Variants in TMEM245 observed in about 807,000 individuals in gnomAD.
The protein encoded by TMEM245 is transmembrane protein 245, also known as protein CG-2.
In TMEM245, 69 loss-of-function variants were observed where a neutral mutation model predicts 101.2. That is an observed-to-expected ratio of 0.68 (90% CI 0.56 to 0.83). The LOEUF is 0.83. TMEM245 is among the 40% of genes least tolerant of loss of function. The pLI, the probability that TMEM245 is intolerant of heterozygous loss-of-function variation, is 0.00. For synonymous variants in TMEM245, 537 were observed against 449.8 expected, an observed-to-expected ratio of 1.19 and a Z score of -2.45; for missense variants, 1,075 against 1,092.8, an observed-to-expected ratio of 0.98 and a Z score of 0.23.
intron 7 of TMEM245, 84 bp downstream of exon 7, chr9:109,085,913 T>C (rs374161378): frequency 1.8e-5 from 27 of 1,459,510 alleles, no homozygotes; most frequent in Non-Finnish European, 1.9e-6. Flanking sequence ...GTTTGACACA[T>C]GGACAGAAAC....
At chr9:109,081,237 T>C (rs1829657520) in intron 7 of TMEM245, among the ~76,000 whole-genome samples, 1 of 152,166 alleles carries the variant, frequency 6.6e-6, no homozygotes, top group Non-Finnish European at 1.5e-5. Flanking sequence ...AAATTGTAAT[T>C]TATAACCTGG....
In TMEM245 at chr9:109,086,029, TA is replaced by T. The variant is rs751131689; in HGVS notation, c.1321-10del. 21 of 1,613,682 alleles carry T rather than the reference TA, an allele frequency of 1.3e-5. No individual in the cohort carries two copies. The South Asian group carries it at 2.0e-4, about 15-fold the overall frequency. On this transcript the variant is annotated splice_polypyrimidine_tract_variant and intron_variant, in intron 6 of 17. Transcript: ENST00000374586. ...TTTAGCCAGTGCCAGAGCTTGAGGA[TA>T]GGGGGTAAGGTGAGAAAGAGAAGAT... is the stretch of plus-strand genomic sequence containing the variant.
At chr9:109,063,458 T>C (rs564558159) in intron 10 of TMEM245, among the ~76,000 whole-genome samples, 21 of 152,212 alleles carry the variant, frequency 1.4e-4, no homozygotes, top group African/African-American at 7.2e-5. Flanking sequence ...TCTTCCATTA[T>C]ATTATTTTTT....
At chr9:109,064,092 GA>G (rs750498912) in intron 10 of TMEM245, among the ~76,000 whole-genome samples, 7 of 148,550 alleles carry the variant, frequency 4.7e-5, no homozygotes, top group Non-Finnish European at 7.5e-5. Flanking sequence ...AACAGTAAAA[GA>G]AAAAAAAACA....
At chr9:109,114,586 C>G (rs1368479353) in intron 1 of TMEM245, among the ~76,000 whole-genome samples, 4 of 152,214 alleles carry the variant, frequency 2.6e-5, no homozygotes, top group African/African-American at 9.6e-5. Flanking sequence ...CCACTACTCT[C>G]TCCACCTCCT....
chr9:109,069,855 A>G (rs891062914), intron 9 of TMEM245, among the ~76,000 whole-genome samples: 4 of 152,174 alleles, frequency 2.6e-5, no homozygotes, highest in African/African-American at 9.7e-5. Flanking sequence ...CTCGTTCCCA[A>G]TAATTTCTCA....
chr9:109,058,892 C>A (rs893611043), intron 11 of TMEM245, among the ~76,000 whole-genome samples: 3 of 152,168 alleles, frequency 2.0e-5, no homozygotes, highest in African/African-American at 7.2e-5. Context: ...AGACATGAGC[C>A]ACCAGGCCCA....
rs1827493950 is a variant in TMEM245 at position 109,017,807 on chromosome 9, T to G, written c.*2653A>C. 1 of 152,222 alleles carries G rather than the reference T, an allele frequency of 6.6e-6. No individual in the cohort carries two copies. The highest frequency in any genetic ancestry group is 6.5e-5 in the Admixed American group (1 of 15,278). 9.4% of individuals were successfully genotyped at this position (152,222 alleles called of 1,614,324 possible). On this transcript the variant is annotated 3_prime_UTR_variant, in exon 18 of 18. Transcript: ENST00000374586. ...TCCTACCTTTTCATACCACTTGATCTCTGTTGCCCTGTGAAAATTCTGTAA... is the reference window on the plus strand; with the variant it reads ...TCCTACCTTTTCATACCACTTGATCGCTGTTGCCCTGTGAAAATTCTGTAA...
chr9:109,096,265 C>T (rs1367122496), intron 3 of TMEM245, among the ~76,000 whole-genome samples: 20 of 152,132 alleles, frequency 1.3e-4, no homozygotes, highest in African/African-American at 4.8e-4. Flanking sequence ...TTACCTGAGG[C>T]CAGGAGTTCG....
intron 15 of TMEM245, 81 bp downstream of exon 15, chr9:109,037,936 A>G: frequency 8.7e-7 from 1 of 1,154,894 alleles, no homozygotes; most frequent in Non-Finnish European, 1.2e-6. Flanking sequence ...AACTTGAGGA[A>G]GTAGACATTT....
intron 14 of TMEM245, among the ~76,000 whole-genome samples, chr9:109,044,234 A>G (rs890372744): frequency 6.6e-6 from 1 of 152,224 alleles, no homozygotes; most frequent in Non-Finnish European, 1.5e-5. Flanking sequence ...TAAACTGAGT[A>G]AGAAAAAAAT....
chr9:109,057,714 G>A (rs779400922), intron 11 of TMEM245, among the ~76,000 whole-genome samples: 3 of 151,916 alleles, frequency 2.0e-5, no homozygotes, highest in Non-Finnish European at 2.9e-5. Context: ...ATGTACCACG[G>A]CACTCCAGCC....
At chr9:109,052,059 T>C (rs1249679667) in intron 12 of TMEM245, among the ~76,000 whole-genome samples, 3 of 152,246 alleles carry the variant, frequency 2.0e-5, no homozygotes, top group Admixed American at 6.5e-5. Context: ...TTCTCATAGA[T>C]GTTAAATATT....
chr9:109,082,533 G>A (rs57279798), intron 7 of TMEM245, among the ~76,000 whole-genome samples: 14,141 of 152,182 alleles, frequency 0.093, 780 homozygotes, highest in Non-Finnish European at 0.11. Context: ...TGCTTAGCAC[G>A]TGGTAAGCAT....
chr9:109,111,269 TACAAATGGAATAA>T (rs941486908), intron 1 of TMEM245, among the ~76,000 whole-genome samples: 7 of 152,172 alleles, frequency 4.6e-5, no homozygotes, highest in Non-Finnish European at 7.4e-5. Flanking sequence ...TATAGCTATC[TACAAATGGAATAA>T]TCATTACTAA....
intron 8 of TMEM245, among the ~76,000 whole-genome samples, chr9:109,073,759 G>A (rs1215837678): frequency 6.6e-6 from 1 of 151,508 alleles, no homozygotes; most frequent in African/African-American, 2.4e-5. Context: ...AAATGTGTTT[G>A]TGTATCTATG....
chr9:109,053,200 C>T lies in TMEM245; in HGVS notation c.1855-2508G>A, dbSNP rs142813284. ...CAGCACTTTGGGAGGCCAAGGTGAG[C>T]GGATCAGTTGAAGCCAGGAGTTTGA... On this transcript the variant is annotated intron_variant, in intron 12 of 17. Coordinates refer to ENST00000374586, the MANE Select transcript of TMEM245 (RefSeq NM_032012.4). Among the ~76,000 whole-genome samples, 1,346 of 152,162 alleles carry T rather than the reference C, an allele frequency of 8.8e-3. 9 individuals carry two copies. The highest frequency in any genetic ancestry group is 0.013 in the Non-Finnish European group (890 of 67,986).
chr9:109,026,246 G>A (rs1293899921), intron 17 of TMEM245, among the ~76,000 whole-genome samples: 1 of 152,078 alleles, frequency 6.6e-6, no homozygotes, highest in Non-Finnish European at 1.5e-5. Flanking sequence ...AAGTTGGGAT[G>A]GGGGAGAGAG....
chr9:109,062,159 C>T (rs1329443260), intron 10 of TMEM245, among the ~76,000 whole-genome samples: 1 of 152,010 alleles, frequency 6.6e-6, no homozygotes, highest in Non-Finnish European at 1.5e-5. Flanking sequence ...CGCACTGACA[C>T]CAGACAGAGC....
Sources: allele counts gnomAD v4.1 joint callset (sites outside exome capture counted in the v4.1 genomes callset), GRCh38; gene constraint gnomAD v4.1.1; transcripts MANE v1.5; gene names NCBI Gene and HGNC (gene_info 2026-07-23, HGNC 2026-07-21).